The following LRRC4C variants were observed in gnomAD, a reference collection of about 807,000 sequenced individuals.
LRRC4C encodes the protein leucine-rich repeat-containing protein 4C.
LRRC4C carries 5 observed loss-of-function variants against 33.6 expected under a neutral mutation model. The ratio of observed to expected loss-of-function variants is 0.15; its 90% confidence interval spans 0.08 to 0.31. The LOEUF is 0.31. LRRC4C is among the 10% of genes least tolerant of loss of function. The pLI, the probability that LRRC4C is intolerant of heterozygous loss-of-function variation, is 1.00. For missense variants in LRRC4C, 560 were observed against 796.7 expected (o/e 0.70, Z 3.58); for synonymous variants, 329 against 302.0 (o/e 1.09, Z -0.93).
intron 2 of LRRC4C, among the ~76,000 whole-genome samples, chr11:40,798,832 C>A (rs2135253809): frequency 6.6e-6 from 1 of 152,052 alleles, no homozygotes; most frequent in African/African-American, 2.4e-5. Context: ...TTAATAGAGA[C>A]AGGGTTTCAC....
intron 1 of LRRC4C, among the ~76,000 whole-genome samples, chr11:41,254,636 C>G (rs947961054): frequency 1.3e-5 from 2 of 151,950 alleles, no homozygotes; most frequent in Non-Finnish European, 2.9e-5. Context: ...ACTCTCTTTA[C>G]TCCAAGACCA....
chr11:41,054,275 C>T lies in LRRC4C; in HGVS notation c.-495-120552G>A, dbSNP rs539578489. On this transcript the variant is annotated intron_variant, in intron 1 of 6. Coordinates refer to ENST00000528697, the MANE Select transcript of LRRC4C (RefSeq NM_001258419.2). ...ATGAAGTGAATAGTGTGGAAATTCTCTGCAGTGAAAATATTCAATTCAAAC... is the reference window on the plus strand; with the variant it reads ...ATGAAGTGAATAGTGTGGAAATTCTTTGCAGTGAAAATATTCAATTCAAAC... Among the ~76,000 whole-genome samples the T allele has an allele frequency of 3.9e-5, 6 of 152,248 alleles. No homozygotes were observed. In the East Asian group the frequency reaches 9.7e-4, roughly 25 times the overall value.
intron 1 of LRRC4C, among the ~76,000 whole-genome samples, chr11:41,128,278 T>A (rs1044544619): frequency 6.7e-6 from 1 of 148,392 alleles, no homozygotes; most frequent in African/African-American, 2.5e-5. Context: ...AAAAAAAAAA[T>A]CATTTCTATT....
At chr11:40,169,334 T>C (rs1859853412) in intron 5 of LRRC4C, among the ~76,000 whole-genome samples, 1 of 152,148 alleles carries the variant, frequency 6.6e-6, no homozygotes, top group Non-Finnish European at 1.5e-5. Context: ...CAGGGAAGGA[T>C]GCAAGACACT....
intron 5 of LRRC4C, among the ~76,000 whole-genome samples, chr11:40,200,402 C>T (rs903400259): frequency 1.3e-5 from 2 of 150,902 alleles, no homozygotes; most frequent in Non-Finnish European, 3.0e-5. Context: ...TTTATGGGTA[C>T]TTAGAACACA....
rs147352477 is a variant in LRRC4C, at chr11:40,175,800, A to G, written c.-95-34947T>C. Among the ~76,000 whole-genome samples the G allele has an allele frequency of 1.9e-3, 293 of 152,198 alleles. 1 individual carries two copies. The highest frequency in any genetic ancestry group is 6.7e-3 in the African/African-American group (278 of 41,520). On this transcript the variant is annotated intron_variant, in intron 5 of 6. Transcript: ENST00000528697. ...ATTATATACCGTCTTCTGCTCTCCA[A>G]TGGTTTGACATGTTCCCATCTTGTT...
chr11:40,702,515 A>G (rs1945916455), intron 2 of LRRC4C, among the ~76,000 whole-genome samples: 2 of 152,132 alleles, frequency 1.3e-5, no homozygotes, highest in South Asian at 4.1e-4. Flanking sequence ...AATTACATAA[A>G]AAATATCCTT....
intron 1 of LRRC4C, among the ~76,000 whole-genome samples, chr11:40,965,671 A>T (rs1044116108): frequency 6.6e-6 from 1 of 152,142 alleles, no homozygotes; most frequent in Non-Finnish European, 1.5e-5. Context: ...CAAAGATCAG[A>T]TAGGTGTAGA....
chr11:40,634,608 A>T (rs1442572593), intron 3 of LRRC4C, among the ~76,000 whole-genome samples: 1 of 152,074 alleles, frequency 6.6e-6, no homozygotes, highest in Non-Finnish European at 1.5e-5. Flanking sequence ...CGTGTCTCAC[A>T]CCTGTAATCC....
intron 3 of LRRC4C, among the ~76,000 whole-genome samples, chr11:40,371,599 C>T (rs1948451500): frequency 6.6e-6 from 1 of 152,108 alleles, no homozygotes; most frequent in Non-Finnish European, 1.5e-5. Context: ...CTTTCGGATA[C>T]AATCGTGGGT....
At chr11:41,026,272 A>G (rs1456774097) in intron 1 of LRRC4C, among the ~76,000 whole-genome samples, 1 of 151,668 alleles carries the variant, frequency 6.6e-6, no homozygotes, top group African/African-American at 2.4e-5. Flanking sequence ...AGGAGTCTGC[A>G]AGACGTTCAT....
intron 1 of LRRC4C, among the ~76,000 whole-genome samples, chr11:41,295,357 A>T (rs2137036986): frequency 6.6e-6 from 1 of 152,336 alleles, no homozygotes; most frequent in East Asian, 1.9e-4. Flanking sequence ...GGTAAAAAAA[A>T]GCAGATAGTA....
chr11:40,155,127 A>G (rs1858575044), intron 5 of LRRC4C, among the ~76,000 whole-genome samples: 2 of 152,202 alleles, frequency 1.3e-5, no homozygotes, highest in South Asian at 4.1e-4. Context: ...CAAAAATGAA[A>G]TCAAGATGAA....
At chr11:40,475,976 G>A (rs1018417515) in intron 3 of LRRC4C, among the ~76,000 whole-genome samples, 4 of 152,058 alleles carry the variant, frequency 2.6e-5, no homozygotes, top group Non-Finnish European at 5.9e-5. Flanking sequence ...TGGGGGCTGC[G>A]CTGTGCATTT....
intron 1 of LRRC4C, among the ~76,000 whole-genome samples, chr11:41,256,157 G>A (rs1948792024): frequency 6.6e-6 from 1 of 151,894 alleles, no homozygotes. Context: ...TTTATCCAAA[G>A]CATTCTCACC....
rs12292499 is a variant in LRRC4C, at chr11:41,010,103, C to A, written c.-495-76380G>T. On this transcript the variant is annotated intron_variant, in intron 1 of 6. Coordinates refer to ENST00000528697, the MANE Select transcript of LRRC4C (RefSeq NM_001258419.2). ...GCTAGAAGAGTCAAGGAAGGATGTTCCCCAAAGCTGTCAGAGAAAGCATGG... is the reference window on the plus strand; with the variant it reads ...GCTAGAAGAGTCAAGGAAGGATGTTACCCAAAGCTGTCAGAGAAAGCATGG... Among the ~76,000 whole-genome samples, 1,403 of 152,168 alleles carry A rather than the reference C, an allele frequency of 9.2e-3. 26 individuals are homozygous for A. Among genetic ancestry groups the A allele is most frequent in the African/African-American group, 0.032 (1,318 of 41,536 alleles).
At chr11:41,356,231 T>C (rs1373824321) in intron 1 of LRRC4C, among the ~76,000 whole-genome samples, 1 of 152,194 alleles carries the variant, frequency 6.6e-6, no homozygotes, top group Non-Finnish European at 1.5e-5. Context: ...ATACAGCAAG[T>C]TAAACATTAT....
chr11:40,884,715 A>G (rs528462705), intron 2 of LRRC4C, among the ~76,000 whole-genome samples: 2 of 152,232 alleles, frequency 1.3e-5, no homozygotes, highest in South Asian at 2.1e-4. Flanking sequence ...TAATGATACT[A>G]TAGACTAGAT....
chr11:41,020,138 C>G (rs1855860377), intron 1 of LRRC4C, among the ~76,000 whole-genome samples: 1 of 152,022 alleles, frequency 6.6e-6, no homozygotes, highest in Non-Finnish European at 1.5e-5. Flanking sequence ...TGATTTTTCC[C>G]CTAATGGTTT....
Sources: gnomAD v4.1 joint callset for allele counts (sites outside exome capture counted in the v4.1 genomes callset) on GRCh38, gnomAD v4.1.1 for gene constraint, MANE v1.5 for transcripts, NCBI Gene and HGNC (gene_info 2026-07-23, HGNC 2026-07-21) for gene names.